The following CTNNA3 variants were observed in gnomAD, a reference collection of about 807,000 sequenced individuals.
The protein encoded by CTNNA3 is catenin alpha-3.
CTNNA3 carries 76 observed loss-of-function variants against 95.7 expected under a neutral mutation model. The ratio of observed to expected loss-of-function variants is 0.79; its 90% confidence interval spans 0.66 to 0.96. The LOEUF (loss-of-function observed/expected upper bound fraction) is 0.96, where lower values mean the gene tolerates loss of function less well. Ranked by LOEUF, CTNNA3 falls within the 40% of genes least tolerant of loss-of-function variation. The pLI is 0.00. For synonymous variants in CTNNA3, 431 were observed against 374.4 expected (o/e 1.15, Z -1.74); for missense variants, 1,191 against 1,089.8 (o/e 1.09, Z -1.31).
At position 66,882,140 on chromosome 10, in the gene CTNNA3, T is replaced by G. The variant is rs541626131; in HGVS notation, c.1048-106616A>C. 3.9e-5 allele frequency among the ~76,000 whole-genome samples: 6 copies of G among 152,160 alleles called. No individual in the cohort carries two copies. The East Asian group carries it at 1.2e-3, about 29-fold the overall frequency. On this transcript the variant is annotated intron_variant, in intron 7 of 17. Coordinates refer to ENST00000433211, the MANE Select transcript of CTNNA3 (RefSeq NM_013266.4). ...CATATCAAAATATTTAGCAGCAACATGCCACTTTGGATAGCATTTTAAATC... is the reference window on the plus strand; with the variant it reads ...CATATCAAAATATTTAGCAGCAACAGGCCACTTTGGATAGCATTTTAAATC...
intron 7 of CTNNA3, among the ~76,000 whole-genome samples, chr10:67,039,654 A>G (rs1564848235): frequency 6.6e-6 from 1 of 152,134 alleles, no homozygotes; most frequent in South Asian, 2.1e-4. Flanking sequence ...CAGAAAAATT[A>G]AAAATCATGA....
intron 5 of CTNNA3, among the ~76,000 whole-genome samples, chr10:67,509,191 C>CTT (rs57346362): frequency 2.9e-4 from 41 of 143,430 alleles, no homozygotes; most frequent in African/African-American, 9.4e-4. Flanking sequence ...AGACATGTTT[C>CTT]TTTTTTTTTT....
At chr10:66,649,552 C>T (rs1195163509) in intron 9 of CTNNA3, among the ~76,000 whole-genome samples, 2 of 152,214 alleles carry the variant, frequency 1.3e-5, no homozygotes, top group Admixed American at 6.5e-5. Flanking sequence ...GAACCCAACA[C>T]TGGGCCTGCT....
At chr10:67,718,913 G>T (rs1841161456) in intron 1 of CTNNA3, among the ~76,000 whole-genome samples, 1 of 152,264 alleles carries the variant, frequency 6.6e-6, no homozygotes, top group Admixed American at 6.5e-5. Context: ...GTAGAATTCG[G>T]CTGTGAAGAC....
chr10:67,198,409 T>C (rs1161673917), intron 6 of CTNNA3, among the ~76,000 whole-genome samples: 1 of 152,044 alleles, frequency 6.6e-6, no homozygotes, highest in Non-Finnish European at 1.5e-5. Context: ...TGAGTTAGAC[T>C]AAAAAAGAGG....
chr10:66,752,895 T>C (rs1172755764), intron 9 of CTNNA3, among the ~76,000 whole-genome samples: 1 of 151,914 alleles, frequency 6.6e-6, no homozygotes, highest in Non-Finnish European at 1.5e-5. Flanking sequence ...GTGACTCTAT[T>C]TAAATGCTAA....
chr10:67,729,550 T>G (rs1361437956), intron 1 of CTNNA3, among the ~76,000 whole-genome samples: 1 of 152,154 alleles, frequency 6.6e-6, no homozygotes, highest in Non-Finnish European at 1.5e-5. Flanking sequence ...GGAAGGACAT[T>G]AATAAACTTT....
At chr10:66,863,633 A>T (rs1361956745) in intron 7 of CTNNA3, among the ~76,000 whole-genome samples, 2 of 152,140 alleles carry the variant, frequency 1.3e-5, no homozygotes, top group Non-Finnish European at 2.9e-5. Flanking sequence ...TGAGATGGGA[A>T]TGGCTTGAGC....
intron 12 of CTNNA3, among the ~76,000 whole-genome samples, chr10:66,321,505 G>A (rs1339578097): frequency 1.3e-5 from 2 of 152,044 alleles, no homozygotes; most frequent in African/African-American, 4.8e-5. Context: ...GCCTGTTTTA[G>A]AATCATTCAA....
intron 7 of CTNNA3, among the ~76,000 whole-genome samples, chr10:67,069,557 GCCCCACCCCACCCCA>G (rs549930721): frequency 2.1e-3 from 198 of 96,352 alleles, no homozygotes; most frequent in Middle Eastern, 9.5e-3. Context: ...ACAGCAGCCC[GCCCCACCCCACCCCA>G]CCCCACCCCA....
intron 10 of CTNNA3, among the ~76,000 whole-genome samples, chr10:66,586,749 G>T (rs1316789303): frequency 1.3e-5 from 2 of 152,118 alleles, no homozygotes; most frequent in African/African-American, 4.8e-5. Flanking sequence ...TTGGGGTAGA[G>T]CTGCAGACTT....
At chr10:67,692,084 C>A (rs754842714) in intron 1 of CTNNA3, among the ~76,000 whole-genome samples, 1 of 143,610 alleles carries the variant, frequency 7.0e-6, no homozygotes, top group Non-Finnish European at 1.5e-5. Flanking sequence ...GTCAGCCCCC[C>A]GCCCGGCCAG....
At chr10:67,211,647 C>G (rs1358897544) in intron 6 of CTNNA3, among the ~76,000 whole-genome samples, 1 of 152,090 alleles carries the variant, frequency 6.6e-6, no homozygotes, top group Admixed American at 6.6e-5. Flanking sequence ...TTCCTCTACT[C>G]ATATAATTCA....
intron 16 of CTNNA3, among the ~76,000 whole-genome samples, chr10:65,984,703 T>C (rs866231699): frequency 5.3e-5 from 8 of 151,314 alleles, no homozygotes; most frequent in South Asian, 4.1e-4. Context: ...AAACCTTCAA[T>C]GTGACACAAT....
chr10:66,548,759 C>T (rs1273381564), intron 10 of CTNNA3, among the ~76,000 whole-genome samples: 2 of 151,966 alleles, frequency 1.3e-5, no homozygotes, highest in Non-Finnish European at 2.9e-5. Flanking sequence ...AGCAACTTTG[C>T]ACTTCCTGAA....
intron 16 of CTNNA3, among the ~76,000 whole-genome samples, chr10:65,982,649 T>G (rs891252916): frequency 1.3e-5 from 2 of 150,904 alleles, no homozygotes; most frequent in Non-Finnish European, 3.0e-5. Flanking sequence ...TATATACATA[T>G]ATATATATAA....
At chr10:66,492,528 T>G (rs12221236) in intron 11 of CTNNA3, among the ~76,000 whole-genome samples, 12,393 of 151,786 alleles carry the variant, frequency 0.082, 1,197 homozygotes, top group East Asian at 0.32. Context: ...TTCATGCTCA[T>G]AAATGATTTA....
At chr10:66,072,116 C>T (rs1488457081) in intron 14 of CTNNA3, among the ~76,000 whole-genome samples, 1 of 152,196 alleles carries the variant, frequency 6.6e-6, no homozygotes, top group East Asian at 1.9e-4. Flanking sequence ...CAGTGTGTCT[C>T]TGTTCCAATA....
At chr10:67,662,451 A>G in intron 1 of CTNNA3, among the ~76,000 whole-genome samples, 1 of 152,214 alleles carries the variant, frequency 6.6e-6, no homozygotes, top group East Asian at 1.9e-4. Context: ...AACTAGAAAC[A>G]ACTCAAATTT....
Sources: allele counts gnomAD v4.1 joint callset (sites outside exome capture counted in the v4.1 genomes callset), GRCh38; gene constraint gnomAD v4.1.1; transcripts MANE v1.5; gene names NCBI Gene and HGNC (gene_info 2026-07-23, HGNC 2026-07-21).